Variants in SLC44A5 observed in about 807,000 individuals in gnomAD.
The protein encoded by SLC44A5 is choline transporter-like protein 5.
A neutral mutation model predicts 101.8 loss-of-function variants in SLC44A5; 57 were observed. That is an observed-to-expected ratio of 0.56 (90% CI 0.45 to 0.70). The LOEUF is 0.70. SLC44A5 is among the 30% of genes least tolerant of loss of function. SLC44A5 has a pLI of 0.00. For synonymous variants in SLC44A5, 281 were observed against 290.9 expected (o/e 0.97, Z 0.35); for missense variants, 737 against 853.1 (o/e 0.86, Z 1.70).
chr1:75,422,942 T>C (rs947117739), intron 2 of SLC44A5, among the ~76,000 whole-genome samples: 1 of 152,216 alleles, frequency 6.6e-6, no homozygotes, highest in African/African-American at 2.4e-5. Flanking sequence ...CTCTTCCTGT[T>C]GTCTTTATGT....
intron 4 of SLC44A5, among the ~76,000 whole-genome samples, chr1:75,338,579 A>C (rs1435128253): frequency 6.6e-6 from 1 of 152,204 alleles, no homozygotes; most frequent in African/African-American, 2.4e-5. Flanking sequence ...GGCTGTTTGT[A>C]TACTAGACAA....
At chr1:75,578,093 A>C (rs184841700) in intron 1 of SLC44A5, among the ~76,000 whole-genome samples, 1 of 152,250 alleles carries the variant, frequency 6.6e-6, no homozygotes, top group Non-Finnish European at 1.5e-5. Context: ...ACTAGTTTTT[A>C]ATAGCTTTTA....
the SLC44A5 span, among the ~76,000 whole-genome samples, chr1:75,679,799 G>A: frequency 6.6e-6 from 1 of 151,864 alleles, no homozygotes; most frequent in East Asian, 1.9e-4. Flanking sequence ...AATGCTCCAA[G>A]TAAAAGACAC....
At chr1:75,526,259 C>G (rs1234268580) in intron 2 of SLC44A5, among the ~76,000 whole-genome samples, 1 of 152,188 alleles carries the variant, frequency 6.6e-6, no homozygotes, top group East Asian at 1.9e-4. Flanking sequence ...CTTATCTCCC[C>G]AGGAACAATG....
intron 5 of SLC44A5, among the ~76,000 whole-genome samples, chr1:75,300,007 T>A (rs1654306322): frequency 2.1e-5 from 2 of 95,622 alleles, no homozygotes; most frequent in Admixed American, 2.5e-4. Context: ...ACAGTGAGAC[T>A]CTGTCTCAAA....
chr1:75,720,948 G>C, the SLC44A5 span, among the ~76,000 whole-genome samples: 1 of 152,156 alleles, frequency 6.6e-6, no homozygotes, highest in Non-Finnish European at 1.5e-5. Flanking sequence ...TAAAGACCTG[G>C]AACCAACAGA....
intron 2 of SLC44A5, among the ~76,000 whole-genome samples, chr1:75,400,360 A>C (rs1193651564): frequency 1.3e-5 from 2 of 152,196 alleles, no homozygotes; most frequent in African/African-American, 4.8e-5. Flanking sequence ...CTGCTCTTAC[A>C]GTAATAAAAA....
intron 3 of SLC44A5, among the ~76,000 whole-genome samples, chr1:75,354,580 C>T (rs1047161940): frequency 1.3e-5 from 2 of 152,232 alleles, no homozygotes; most frequent in African/African-American, 2.4e-5. Context: ...TCCACACTCA[C>T]GATGGCCCCC....
intron 2 of SLC44A5, among the ~76,000 whole-genome samples, chr1:75,500,863 T>C (rs1215461692): frequency 6.6e-6 from 1 of 152,326 alleles, no homozygotes; most frequent in East Asian, 1.9e-4. Flanking sequence ...TAGTCTTGAA[T>C]GCCAACTCTC....
intron 2 of SLC44A5, among the ~76,000 whole-genome samples, chr1:75,448,754 T>A (rs77153999): frequency 0.23 from 35,583 of 152,040 alleles, 4,284 homozygotes; most frequent in African/African-American, 0.26. Context: ...AACAATTGTC[T>A]TCATTACAGC....
intron 2 of SLC44A5, among the ~76,000 whole-genome samples, chr1:75,461,747 G>C (rs193211211): frequency 3.3e-5 from 5 of 152,224 alleles, no homozygotes; most frequent in Admixed American, 3.3e-4. Flanking sequence ...TGACTAAAAA[G>C]CCCTTGGGCC....
At position 75,242,980 on chromosome 1, in the gene SLC44A5, A is replaced by G. The variant is rs1371039902; in HGVS notation, c.377T>C (p.Leu126Ser). 3.7e-6 allele frequency: 6 copies of G among 1,612,280 alleles called. No individual in the cohort carries two copies. Among genetic ancestry groups the G allele is most frequent in the East Asian group, 2.2e-5 (1 of 44,812 alleles). The change falls in exon 8 of 24, where the codon TTA (leucine) becomes TCA (serine). Residue 126 changes from leucine to serine, a missense_variant. Around this residue, in one of 3 missense-constraint regions of SLC44A5, gnomAD observed 665 missense variants for 764.4 expected, o/e 0.87. Transcript: ENST00000370859. ...ICVSKCPEKF[L>S]TYVEMQLLYT... ...CAAAAGTTGCATTTCCACATAGGTT[A>G]AAAATTTTTCTGGGCACTTGGAGAC...
chr1:75,343,959 C>A (rs1440374854), intron 3 of SLC44A5, among the ~76,000 whole-genome samples: 1 of 152,110 alleles, frequency 6.6e-6, no homozygotes, highest in Non-Finnish European at 1.5e-5. Flanking sequence ...TGGCTTTTTA[C>A]GATATGGCTC....
intron 2 of SLC44A5, among the ~76,000 whole-genome samples, chr1:75,449,531 C>T (rs1158708237): frequency 6.6e-6 from 1 of 152,136 alleles, no homozygotes; most frequent in African/African-American, 2.4e-5. Context: ...TTGCGGGAAT[C>T]TTCCTCACTT....
chr1:75,240,160 A>T (rs1648491085), intron 9 of SLC44A5, among the ~76,000 whole-genome samples: 1 of 152,208 alleles, frequency 6.6e-6, no homozygotes, highest in African/African-American at 2.4e-5. Flanking sequence ...AGTGTACTAT[A>T]TTAACATTTT....
chr1:75,609,149 C>T (rs1037701652), intron 1 of SLC44A5, among the ~76,000 whole-genome samples: 6 of 151,674 alleles, frequency 4.0e-5, no homozygotes, highest in Admixed American at 6.6e-5. Context: ...GAAGAGACGG[C>T]AACCTTCCTT....
chr1:75,696,394 T>G, the SLC44A5 span, among the ~76,000 whole-genome samples: 1 of 152,314 alleles, frequency 6.6e-6, no homozygotes, highest in South Asian at 2.1e-4. Context: ...AAAGACTTTA[T>G]GACTATCATG....
intron 2 of SLC44A5, among the ~76,000 whole-genome samples, chr1:75,493,317 T>C (rs1341999959): frequency 6.6e-6 from 1 of 152,222 alleles, no homozygotes; most frequent in Admixed American, 6.6e-5. Context: ...TGAAAGTAGA[T>C]GGTATTTAAC....
chr1:75,618,484 C>T, the SLC44A5 span, among the ~76,000 whole-genome samples: 2 of 152,180 alleles, frequency 1.3e-5, no homozygotes, highest in African/African-American at 4.8e-5. Flanking sequence ...CTGCAGGGAA[C>T]AGTAAGACAG....
Sources: gnomAD v4.1 joint callset for allele counts (sites outside exome capture counted in the v4.1 genomes callset) on GRCh38, gnomAD v4.1.1 for gene constraint, gnomAD v4.1.1 regional missense constraint, MANE v1.5 for transcripts, NCBI Gene and HGNC (gene_info 2026-07-23, HGNC 2026-07-21) for gene names.